Variants in CSTPP1 observed in about 807,000 individuals in gnomAD.
The protein encoded by CSTPP1 is centriolar satellite-associated tubulin polyglutamylase complex regulator 1.
chr11:47,028,305 A>G, the CSTPP1 span, among the ~76,000 whole-genome samples: 3 of 152,198 alleles, frequency 2.0e-5, no homozygotes. Flanking sequence ...TCAATTCATG[A>G]TGCATATCCG....
At chr11:47,087,695 T>C in the CSTPP1 span, among the ~76,000 whole-genome samples, 1 of 152,016 alleles carries the variant, frequency 6.6e-6, no homozygotes, top group South Asian at 2.1e-4. Context: ...GAGACTCAAA[T>C]ATATATGTGT....
At chr11:47,056,925 T>C in the CSTPP1 span, among the ~76,000 whole-genome samples, 1 of 152,186 alleles carries the variant, frequency 6.6e-6, no homozygotes, top group South Asian at 2.1e-4. Context: ...CATTATCAAG[T>C]GGAAAGTAAC....
At chr11:46,948,172 G>A in the CSTPP1 span, 17 of 456,136 alleles carry the variant, frequency 3.7e-5, no homozygotes, top group Admixed American at 3.8e-4. Flanking sequence ...CACGTAAGTA[G>A]GCAACACACA....
chr11:47,081,388 C>T, the CSTPP1 span, among the ~76,000 whole-genome samples: 1 of 152,090 alleles, frequency 6.6e-6, no homozygotes, highest in South Asian at 2.1e-4. Context: ...TATAATAATT[C>T]CACTATAATT....
chr11:47,089,544 G>C, the CSTPP1 span, among the ~76,000 whole-genome samples: 1 of 152,280 alleles, frequency 6.6e-6, no homozygotes, highest in South Asian at 2.1e-4. Flanking sequence ...CAGATCCTCA[G>C]GCTAGCGGCT....
chr11:47,157,222 A>T, the CSTPP1 span: 3 of 1,558,886 alleles, frequency 1.9e-6, no homozygotes, highest in Non-Finnish European at 1.7e-6. Flanking sequence ...AGTACAGGTG[A>T]GGAACGGGCA....
At chr11:47,158,682 T>G in the CSTPP1 span, among the ~76,000 whole-genome samples, 1 of 152,076 alleles carries the variant, frequency 6.6e-6, no homozygotes, top group South Asian at 2.1e-4. Context: ...ACTACAGGCA[T>G]GCGCCACCAT....
At chr11:47,088,686 A>G in the CSTPP1 span, among the ~76,000 whole-genome samples, 1 of 152,122 alleles carries the variant, frequency 6.6e-6, no homozygotes, top group African/African-American at 2.4e-5. Flanking sequence ...AGCTGGGACT[A>G]CACGCATGCA....
At chr11:47,036,068 A>T in the CSTPP1 span, among the ~76,000 whole-genome samples, 97 of 11,334 alleles carry the variant, frequency 8.6e-3, 32 homozygotes, top group African/African-American at 0.063. Context: ...ATATATATAT[A>T]ATATATAAAT....
At chr11:47,038,108 C>A in the CSTPP1 span, among the ~76,000 whole-genome samples, 7 of 56,590 alleles carry the variant, frequency 1.2e-4, no homozygotes, top group Non-Finnish European at 1.5e-4. Flanking sequence ...GGGGGCTGAC[C>A]CCCCCACCTC....
chr11:47,120,667 C>T, the CSTPP1 span, among the ~76,000 whole-genome samples: 1 of 152,184 alleles, frequency 6.6e-6, no homozygotes, highest in African/African-American at 2.4e-5. The surrounding 1 kb of genome is among the most constrained non-coding windows in gnomAD (Gnocchi z 4.2). Context: ...TGATTCAAAG[C>T]TCGAATGTGC....
the CSTPP1 span, among the ~76,000 whole-genome samples, chr11:47,087,844 A>C: frequency 6.6e-6 from 1 of 152,174 alleles, no homozygotes; most frequent in African/African-American, 2.4e-5. Flanking sequence ...GGAATCCAAG[A>C]GCAGCTTACT....
the CSTPP1 span, chr11:47,160,974 C>A: frequency 1.1e-6 from 1 of 924,840 alleles, no homozygotes; most frequent in Non-Finnish European, 1.6e-6. Context: ...TGCTCCGTGA[C>A]TGTTCTTGGC....
chr11:47,059,831 G>A, the CSTPP1 span, among the ~76,000 whole-genome samples: 11 of 152,132 alleles, frequency 7.2e-5, no homozygotes, highest in Non-Finnish European at 1.5e-4. Flanking sequence ...TCCGCTGGGC[G>A]CGGTGACTCA....
At chr11:47,021,933 A>G in the CSTPP1 span, among the ~76,000 whole-genome samples, 91 of 152,220 alleles carry the variant, frequency 6.0e-4, no homozygotes, top group African/African-American at 2.1e-3. Flanking sequence ...GTTGTGGCCC[A>G]GGTGCTGGCA....
At chr11:46,955,549 G>A in the CSTPP1 span, among the ~76,000 whole-genome samples, 1 of 151,726 alleles carries the variant, frequency 6.6e-6, no homozygotes, top group South Asian at 2.1e-4. Context: ...TATTTCAGCA[G>A]AGACGGGGTT....
chr11:47,059,503 A>G, the CSTPP1 span, among the ~76,000 whole-genome samples: 10 of 152,314 alleles, frequency 6.6e-5, 1 homozygote, highest in East Asian at 1.9e-3. Context: ...AAAGGTGCAA[A>G]GACAGTTGGG....
the CSTPP1 span, chr11:47,162,098 C>T: frequency 1.0e-6 from 1 of 987,162 alleles, no homozygotes; most frequent in Non-Finnish European, 1.2e-6. Context: ...ACCGCTGTGG[C>T]CTGTTGGAGA....
the CSTPP1 span, among the ~76,000 whole-genome samples, chr11:46,961,651 C>G: frequency 6.6e-6 from 1 of 152,056 alleles, no homozygotes; most frequent in Non-Finnish European, 1.5e-5. Flanking sequence ...TTACCTAAAC[C>G]AAGTTCACAA....
Sources: allele counts gnomAD v4.1 joint callset (sites outside exome capture counted in the v4.1 genomes callset), GRCh38; gene constraint gnomAD v4.1.1; non-coding constraint Gnocchi (gnomAD v3.1); transcripts MANE v1.5; gene names NCBI Gene and HGNC (gene_info 2026-07-23, HGNC 2026-07-21).